USH2A: variants seen among roughly 807,000 people sequenced by gnomAD.
The protein encoded by USH2A is usherin.
In USH2A, 443 loss-of-function variants were observed where a neutral mutation model predicts 538.9. The ratio of observed to expected loss-of-function variants is 0.82; its 90% CI spans 0.76 to 0.89. The LOEUF is 0.89. Ranked by LOEUF, USH2A falls within the 40% of genes least tolerant of loss-of-function variation. The pLI is 0.00. For synonymous variants in USH2A, 2,413 were observed against 2,273.5 expected (o/e 1.06, Z -1.75); for missense variants, 6,633 against 6,324.8 (o/e 1.05, Z -1.65).
intron 5 of USH2A, 100 bp downstream of exon 5, chr1:216,327,491 T>A: frequency 7.0e-7 from 1 of 1,419,826 alleles, no homozygotes; most frequent in South Asian, 1.2e-5. Flanking sequence ...CCAAATGGTA[T>A]AAAGATAAAA....
intron 21 of USH2A, among the ~76,000 whole-genome samples, chr1:216,120,681 G>A (rs1264288749): frequency 2.0e-5 from 3 of 151,874 alleles, no homozygotes; most frequent in African/African-American, 2.4e-5. Context: ...ACCCGGCCTC[G>A]TCTCCACTAA....
chr1:215,909,324 C>T (rs1270395681), intron 38 of USH2A, among the ~76,000 whole-genome samples: 1 of 151,784 alleles, frequency 6.6e-6, no homozygotes, highest in African/African-American at 2.4e-5. Context: ...AACACGGAGG[C>T]TTTTCAGAGC....
intron 21 of USH2A, among the ~76,000 whole-genome samples, chr1:216,113,981 C>T (rs1042329488): frequency 6.6e-6 from 1 of 151,648 alleles, no homozygotes; most frequent in Non-Finnish European, 1.5e-5. Flanking sequence ...AATTTACTTA[C>T]AAAATTGCTT....
intron 64 of USH2A, among the ~76,000 whole-genome samples, chr1:215,670,275 C>T (rs1558045764): frequency 6.6e-6 from 1 of 152,134 alleles, no homozygotes; most frequent in African/African-American, 2.4e-5. Context: ...CAGCCTGACA[C>T]ATTGATTGAC....
intron 9 of USH2A, among the ~76,000 whole-genome samples, chr1:216,308,341 C>A (rs11120757): frequency 0.26 from 39,772 of 150,734 alleles, 5,410 homozygotes; most frequent in Middle Eastern, 0.36. Flanking sequence ...TCCCCACTTA[C>A]CAGTTCCTGA....
At chr1:215,979,586 G>T (rs186183100) in intron 35 of USH2A, among the ~76,000 whole-genome samples, 1 of 152,082 alleles carries the variant, frequency 6.6e-6, no homozygotes, top group Non-Finnish European at 1.5e-5. Context: ...TATTAAAGAC[G>T]TCTTTTCCTG....
intron 41 of USH2A, among the ~76,000 whole-genome samples, chr1:215,885,986 T>C (rs1665044057): frequency 1.3e-5 from 2 of 152,214 alleles, no homozygotes; most frequent in Non-Finnish European, 2.9e-5. Context: ...GTCTAAAATG[T>C]AATCGCCATG....
chr1:215,957,019 C>T (rs1439793798), intron 37 of USH2A, among the ~76,000 whole-genome samples: 1 of 152,044 alleles, frequency 6.6e-6, no homozygotes, highest in Non-Finnish European at 1.5e-5. Context: ...ATTTGTAGTC[C>T]AGAAAAAATG....
chr1:216,360,994 T>C (rs1272987946), intron 4 of USH2A, among the ~76,000 whole-genome samples: 1 of 152,002 alleles, frequency 6.6e-6, no homozygotes, highest in Non-Finnish European at 1.5e-5. Flanking sequence ...CTACTAGATA[T>C]GAAGACATGT....
chr1:216,004,507 T>C (rs1040974286), intron 32 of USH2A, among the ~76,000 whole-genome samples: 4 of 152,174 alleles, frequency 2.6e-5, no homozygotes, highest in Non-Finnish European at 5.9e-5. Context: ...CAGTCATCAG[T>C]AATTGCACAA....
At chr1:216,260,722 C>G (rs1374968002) in intron 11 of USH2A, among the ~76,000 whole-genome samples, 1 of 152,052 alleles carries the variant, frequency 6.6e-6, no homozygotes, top group Non-Finnish European at 1.5e-5. Flanking sequence ...GTCTTATTGT[C>G]AAGAATAATT....
chr1:215,844,085 T>C (rs1430038316), intron 46 of USH2A, among the ~76,000 whole-genome samples: 1 of 152,166 alleles, frequency 6.6e-6, no homozygotes, highest in East Asian at 1.9e-4. Flanking sequence ...ACCATCGTTT[T>C]CCATATTATC....
intron 11 of USH2A, among the ~76,000 whole-genome samples, chr1:216,279,752 G>T (rs2036737009): frequency 6.6e-6 from 1 of 152,080 alleles, no homozygotes; most frequent in Non-Finnish European, 1.5e-5. Context: ...AAACGGGAGA[G>T]AAGGTAGCAG....
intron 44 of USH2A, among the ~76,000 whole-genome samples, chr1:215,858,093 G>T (rs900747521): frequency 8.5e-5 from 13 of 152,078 alleles, no homozygotes; most frequent in African/African-American, 2.9e-4. Flanking sequence ...TGGAGTTAAG[G>T]CTTGTACTTG....
intron 38 of USH2A, among the ~76,000 whole-genome samples, chr1:215,916,963 T>C (rs1327771345): frequency 6.6e-6 from 1 of 152,134 alleles, no homozygotes; most frequent in Non-Finnish European, 1.5e-5. Context: ...ACTGAAGTCA[T>C]CCTCTGTTAA....
intron 30 of USH2A, among the ~76,000 whole-genome samples, chr1:216,053,953 C>T (rs2082982): frequency 6.6e-6 from 1 of 152,134 alleles, no homozygotes; most frequent in Non-Finnish European, 1.5e-5. Context: ...AGGCCTACTG[C>T]ATATGGCTCC....
In USH2A at chr1:215,741,506, G is replaced by A. The variant is rs762253687; in HGVS notation, c.11580C>T (p.Val3860=). Reference sequence around the variant, plus strand: ...CCATTGGGGCTGCTTCAGGTGTTTTGACAAACATCCTACTGCTAACTCCAC... The same window carrying A: ...CCATTGGGGCTGCTTCAGGTGTTTTAACAAACATCCTACTGCTAACTCCAC... ...GSCGVSSRMF[V]KTPEAAPMDL... is the part of the protein sequence containing the mutation. The change falls in exon 60 of 72, where the codon GTC becomes GTT. Residue 3860 remains valine (V), a synonymous_variant. Coordinates refer to ENST00000307340, the MANE Select transcript of USH2A (RefSeq NM_206933.4). 5 of 1,611,602 alleles carry A rather than the reference G, an allele frequency of 3.1e-6. No homozygotes were observed. In the African/African-American group the frequency reaches 6.7e-5, roughly 22 times the overall value.
chr1:215,631,227 A>ATGTGTGTGTGTGTGTGTGTGTGTGT (rs1553248565), intron 70 of USH2A, among the ~76,000 whole-genome samples: 10 of 148,550 alleles, frequency 6.7e-5, no homozygotes, highest in African/African-American at 2.5e-4. Flanking sequence ...GAGGGGGAGA[A>ATGTGTGTGTGTGTGTGTGTGTGTGT]GTGTGTGTGT....
In USH2A at chr1:216,343,618, T is replaced by C. The variant is rs1034361126; in HGVS notation, c.785-15964A>G. The stretch of plus-strand genomic sequence containing the variant: ...TTCTCAATGTGGTACCATAAAAAAA[T>C]AGATCTGTGTCCATTCAACCAAAAT... On this transcript the variant is annotated intron_variant, in intron 4 of 71. Transcript: ENST00000307340. Among the ~76,000 whole-genome samples, 19 of 150,164 alleles carry C rather than the reference T, an allele frequency of 1.3e-4. 1 individual carries two copies. The highest frequency in any genetic ancestry group is 8.7e-4 in the Admixed American group (13 of 14,976).
Sources: allele counts gnomAD v4.1 joint callset (sites outside exome capture counted in the v4.1 genomes callset), GRCh38; gene constraint gnomAD v4.1.1; transcripts MANE v1.5; gene names NCBI Gene and HGNC (gene_info 2026-07-23, HGNC 2026-07-21).